Variants in CCDC102B observed in about 807,000 individuals in gnomAD.
CCDC102B encodes coiled-coil domain containing 102B.
CCDC102B carries 75 observed loss-of-function variants against 57.4 expected under a neutral mutation model. The observed-to-expected ratio is 1.31, with a 90% CI of 1.08 to 1.58. The LOEUF (loss-of-function observed/expected upper bound fraction) is 1.58. CCDC102B is among the 40% of genes most tolerant of loss of function. CCDC102B has a pLI of 0.00. For missense variants in CCDC102B, 636 were observed against 582.6 expected, an observed-to-expected ratio of 1.09 and a Z score of -0.94; for synonymous variants, 206 against 201.9, an observed-to-expected ratio of 1.02 and a Z score of -0.17.
chr18:68,843,083 T>C (rs1309384699), intron 3 of CCDC102B, among the ~76,000 whole-genome samples: 3 of 152,294 alleles, frequency 2.0e-5, no homozygotes, highest in Non-Finnish European at 4.4e-5. Context: ...TTAAATTAAC[T>C]GTATATGGCT....
chr18:68,728,708 A>G (rs2032715079), intron 2 of CCDC102B, among the ~76,000 whole-genome samples: 1 of 152,228 alleles, frequency 6.6e-6, no homozygotes, highest in Admixed American at 6.5e-5. Context: ...AGGATACACA[A>G]TAAGGATCAA....
At chr18:69,025,493 G>A (rs961601773) in intron 7 of CCDC102B, among the ~76,000 whole-genome samples, 3 of 152,136 alleles carry the variant, frequency 2.0e-5, no homozygotes, top group African/African-American at 7.2e-5. Flanking sequence ...TACTGCATGT[G>A]CGTGTAAGCT....
At chr18:68,809,614 T>A (rs2036167309) in intron 1 of CCDC102B, among the ~76,000 whole-genome samples, 1 of 152,202 alleles carries the variant, frequency 6.6e-6, no homozygotes, top group Admixed American at 6.5e-5. Flanking sequence ...AAATACATAC[T>A]CATTTCCATG....
At chr18:68,855,080 C>A (rs1319913566) in intron 4 of CCDC102B, among the ~76,000 whole-genome samples, 1 of 152,104 alleles carries the variant, frequency 6.6e-6, no homozygotes, top group East Asian at 1.9e-4. Flanking sequence ...TTTTAAGACA[C>A]CCCATTAGCA....
intron 6 of CCDC102B, among the ~76,000 whole-genome samples, chr18:68,925,831 T>C (rs999954402): frequency 1.3e-5 from 2 of 152,008 alleles, no homozygotes; most frequent in Non-Finnish European, 2.9e-5. Context: ...CATTCAGTCA[T>C]TAACACCAAT....
chr18:68,749,293 T>A (rs1599405058), intron 2 of CCDC102B, among the ~76,000 whole-genome samples: 1 of 152,072 alleles, frequency 6.6e-6, no homozygotes, highest in South Asian at 2.1e-4. Flanking sequence ...TTTAAAGTCG[T>A]TTTTTCCAAT....
Position 69,054,398 on chromosome 18 carries a change from C to T in CCDC102B, c.*261C>T, listed in dbSNP as rs1049896348. On this transcript the variant is annotated 3_prime_UTR_variant, in exon 8 of 8. Transcript: ENST00000360242. ...TAAATATTTTGAAAGTCAAAAAGGG[C>T]TTTCAGAATACTTTTTACATAAAAT... 3 of 1,103,748 alleles carry T rather than the reference C, an allele frequency of 2.7e-6. No homozygotes were observed. The highest frequency in any genetic ancestry group is 3.3e-6 in the Non-Finnish European group (3 of 907,246). 68.4% of individuals were successfully genotyped at this position (1,103,748 alleles called of 1,614,324 possible).
chr18:68,765,239 C>T (rs972083015), intron 2 of CCDC102B, among the ~76,000 whole-genome samples: 7 of 109,818 alleles, frequency 6.4e-5, no homozygotes, highest in Non-Finnish European at 1.1e-4. Context: ...AAAGAAAGAG[C>T]GAAAAAGAGC....
chr18:68,919,803 G>A (rs935320186), intron 6 of CCDC102B, among the ~76,000 whole-genome samples: 5 of 150,574 alleles, frequency 3.3e-5, no homozygotes, highest in African/African-American at 1.2e-4. Flanking sequence ...CTATTCTAAG[G>A]GAGAGAATGT....
At chr18:68,881,321 T>A (rs2039686301) in intron 5 of CCDC102B, among the ~76,000 whole-genome samples, 1 of 152,218 alleles carries the variant, frequency 6.6e-6, no homozygotes, top group South Asian at 2.1e-4. Context: ...TTAGAGCTAA[T>A]GTTTATGAAT....
chr18:68,956,326 A>ATTAATTTATAATTTATAT, intron 6 of CCDC102B, among the ~76,000 whole-genome samples: 1 of 38,202 alleles, frequency 2.6e-5, no homozygotes, highest in East Asian at 5.6e-4. Flanking sequence ...TATATTTTAT[A>ATTAATTTATAATTTATAT]TATATTATAT....
chr18:68,883,129 A>C (rs1363982623), intron 5 of CCDC102B, among the ~76,000 whole-genome samples: 1 of 152,158 alleles, frequency 6.6e-6, no homozygotes, highest in African/African-American at 2.4e-5. Context: ...ACTTAAAAGT[A>C]TATATAAAAG....
intron 6 of CCDC102B, among the ~76,000 whole-genome samples, chr18:68,916,499 A>G (rs1235057345): frequency 6.6e-6 from 1 of 152,138 alleles, no homozygotes; most frequent in Non-Finnish European, 1.5e-5. Context: ...TTTTTCCAGC[A>G]TCTAAATCTA....
chr18:69,044,006 A>G (rs1261936495), intron 7 of CCDC102B, among the ~76,000 whole-genome samples: 1 of 152,144 alleles, frequency 6.6e-6, no homozygotes, highest in Non-Finnish European at 1.5e-5. Context: ...TTTTAAAAAC[A>G]TTCCCAGCTA....
intron 5 of CCDC102B, among the ~76,000 whole-genome samples, chr18:68,879,673 T>G (rs953350374): frequency 6.6e-6 from 1 of 152,050 alleles, no homozygotes; most frequent in Admixed American, 6.5e-5. Context: ...TTACAAACCT[T>G]GAGCTAGATA....
chr18:68,718,147 A>G (rs2032129078), intron 2 of CCDC102B: 1 of 152,172 alleles, frequency 6.6e-6, no homozygotes, highest in Non-Finnish European at 1.5e-5. Flanking sequence ...CCAAGTCTGT[A>G]TTTTTTTGTT....
chr18:68,868,788 C>T (rs575032234), intron 4 of CCDC102B, among the ~76,000 whole-genome samples: 1 of 152,186 alleles, frequency 6.6e-6, no homozygotes, highest in East Asian at 1.9e-4. Flanking sequence ...AATATGATCA[C>T]AATTTCAAAA....
chr18:68,836,876 A>T lies in CCDC102B; in HGVS notation c.113A>T (p.Asp38Val), dbSNP rs779484643. 11 of 1,614,030 alleles carry T rather than the reference A, an allele frequency of 6.8e-6. No homozygotes were observed. The Admixed American group carries it at 1.5e-4, about 22-fold the overall frequency. ...DMVAPASPPR[D>V]TCNTCFPLHG... ...GTGGCACCTGCCTCACCCCCCAGGG[A>T]TACCTGTAATACCTGCTTCCCACTT... The change falls in exon 2 of 8, where the codon GAT becomes GTT. Residue 38 changes from aspartate (D) to valine (V), a missense_variant. Physicochemically the swap from Asp to Val is radical, Grantham distance 152 (BLOSUM62 -3). Coordinates refer to ENST00000360242, the MANE Select transcript of CCDC102B (RefSeq NM_024781.3).
intron 7 of CCDC102B, among the ~76,000 whole-genome samples, chr18:69,051,333 A>G (rs8093006): frequency 0.99 from 150,773 of 152,098 alleles, 74,746 homozygotes; most frequent in East Asian, 1. Flanking sequence ...TCCTAAGAAG[A>G]AATTGCAAAG....
Sources: gnomAD v4.1 joint callset for allele counts (sites outside exome capture counted in the v4.1 genomes callset) on GRCh38, gnomAD v4.1.1 for gene constraint, MANE v1.5 for transcripts, NCBI Gene and HGNC (gene_info 2026-07-23, HGNC 2026-07-21) for gene names.